Variants in EIF2B3 observed in about 807,000 individuals in gnomAD.
EIF2B3 encodes eukaryotic translation initiation factor 2B subunit gamma.
A neutral mutation model predicts 54.1 loss-of-function variants in EIF2B3; 20 were observed. The observed-to-expected ratio is 0.37, with a 90% CI of 0.26 to 0.54. The LOEUF is 0.54. Ranked by LOEUF, EIF2B3 falls within the 20% of genes least tolerant of loss-of-function variation. EIF2B3 has a pLI of 0.86. For missense variants in EIF2B3, 448 were observed against 547.8 expected (o/e 0.82, Z 1.82); for synonymous variants, 153 against 188.1 (o/e 0.81, Z 1.52).
intron 4 of EIF2B3, 75 bp from the exon 5 acceptor site, chr1:44,926,814 G>A: frequency 8.1e-7 from 1 of 1,235,216 alleles, no homozygotes; most frequent in East Asian, 2.3e-5. Context: ...AGGGAACACA[G>A]TATCTGCTCA....
chr1:44,867,588 T>C (rs1015725795), intron 10 of EIF2B3, among the ~76,000 whole-genome samples: 2 of 152,058 alleles, frequency 1.3e-5, no homozygotes, highest in African/African-American at 4.8e-5. Context: ...CAAGACATAA[T>C]AGCAGCAGGG....
intron 2 of EIF2B3, 129 bp from the exon 3 acceptor site, chr1:44,978,589 A>G (rs1166476472): frequency 1.8e-5 from 15 of 827,974 alleles, no homozygotes; most frequent in Non-Finnish European, 2.6e-5. Context: ...GTGCCTTTTC[A>G]ATATATTTTA....
At chr1:44,969,364 C>A (rs553741941) in intron 3 of EIF2B3, among the ~76,000 whole-genome samples, 19 of 152,162 alleles carry the variant, frequency 1.2e-4, no homozygotes, top group Non-Finnish European at 2.5e-4. Flanking sequence ...ACATTTCAAC[C>A]AATTGTAATG....
intron 10 of EIF2B3, among the ~76,000 whole-genome samples, chr1:44,861,096 G>A (rs1426995072): frequency 7.9e-5 from 12 of 152,224 alleles, no homozygotes; most frequent in Non-Finnish European, 1.8e-4. Flanking sequence ...CTAGAGATGG[G>A]CAGAGACAGC....
chr1:44,857,258 G>A (rs1458993604), intron 11 of EIF2B3, among the ~76,000 whole-genome samples: 9 of 152,140 alleles, frequency 5.9e-5, no homozygotes, highest in South Asian at 4.1e-4. Flanking sequence ...TGCCAGGTGC[G>A]GTGGCTTACG....
At chr1:44,907,102 A>T (rs1643425961) in intron 5 of EIF2B3, among the ~76,000 whole-genome samples, 1 of 152,162 alleles carries the variant, frequency 6.6e-6, no homozygotes, top group Admixed American at 6.5e-5. Context: ...TCCACTGTCA[A>T]TACCCTAGTT....
intron 5 of EIF2B3, among the ~76,000 whole-genome samples, chr1:44,924,424 AC>A (rs1643812707): frequency 6.6e-6 from 1 of 151,516 alleles, no homozygotes; most frequent in Non-Finnish European, 1.5e-5. Context: ...GTTTTTTGAG[AC>A]CGAGTCTCAC....
intron 7 of EIF2B3, among the ~76,000 whole-genome samples, chr1:44,880,761 T>A (rs1211830585): frequency 6.6e-6 from 1 of 151,986 alleles, no homozygotes; most frequent in African/African-American, 2.4e-5. Flanking sequence ...AGGAGATCGA[T>A]ACCATCCTGG....
intron 3 of EIF2B3, among the ~76,000 whole-genome samples, chr1:44,952,728 A>G (rs1644180562): frequency 6.6e-6 from 1 of 151,206 alleles, no homozygotes; most frequent in Admixed American, 6.6e-5. Flanking sequence ...AATTTTTTGT[A>G]TTTTTAGTAG....
At chr1:44,890,458 A>G (rs1655757625) in intron 6 of EIF2B3, among the ~76,000 whole-genome samples, 1 of 152,240 alleles carries the variant, frequency 6.6e-6, no homozygotes, top group Non-Finnish European at 1.5e-5. Flanking sequence ...TTTTGAAAAA[A>G]ATAAAAACTG....
chr1:44,959,725 G>C (rs1171656503), intron 3 of EIF2B3, among the ~76,000 whole-genome samples: 1 of 152,154 alleles, frequency 6.6e-6, no homozygotes, highest in Non-Finnish European at 1.5e-5. Context: ...ATGGTTTAGA[G>C]TCTGGTTTCT....
intron 3 of EIF2B3, among the ~76,000 whole-genome samples, chr1:44,972,205 T>C (rs1041450940): frequency 6.9e-6 from 1 of 145,406 alleles, no homozygotes; most frequent in Non-Finnish European, 1.5e-5. Context: ...CTGGGCAACA[T>C]AGTGAGACTC....
At chr1:44,923,240 A>G (rs982370059) in intron 5 of EIF2B3, among the ~76,000 whole-genome samples, 2 of 152,194 alleles carry the variant, frequency 1.3e-5, no homozygotes, top group African/African-American at 4.8e-5. Context: ...TGCTCTAGCT[A>G]GGACTTCCAG....
chr1:44,934,622 A>C (rs1322596211), intron 4 of EIF2B3, among the ~76,000 whole-genome samples: 1 of 151,944 alleles, frequency 6.6e-6, no homozygotes, highest in Non-Finnish European at 1.5e-5. Flanking sequence ...CTCCTGCCTT[A>C]GCCTCCCAAG....
intron 6 of EIF2B3, among the ~76,000 whole-genome samples, chr1:44,896,516 TC>T (rs1655976822): frequency 6.6e-6 from 1 of 152,192 alleles, no homozygotes. Context: ...CAAATTCTTT[TC>T]TCCAGATGGT....
intron 3 of EIF2B3, chr1:44,972,494 C>G (rs1419128408): frequency 6.6e-6 from 1 of 152,448 alleles, no homozygotes; most frequent in East Asian, 1.9e-4. Context: ...CCCAGCTACT[C>G]AGGAAGGTGA....
chr1:44,879,682 A>G lies in EIF2B3; in HGVS notation c.975+136T>C, dbSNP rs780583010. ...CTGAGTACCCTAGTAGTCTCCCTTGACGTGCCAGGTCTTGCTCAACCTTGG... is the reference window on the plus strand; with the variant it reads ...CTGAGTACCCTAGTAGTCTCCCTTGGCGTGCCAGGTCTTGCTCAACCTTGG... On this transcript the variant is annotated intron_variant, in intron 8 of 11. Coordinates refer to ENST00000360403, the MANE Select transcript of EIF2B3 (RefSeq NM_020365.5). The G allele has an allele frequency of 2.3e-5, 23 of 998,820 alleles. No homozygotes were observed. In the South Asian group the frequency reaches 2.5e-4, roughly 11 times the overall value. The allele number at this position is 998,820 out of a possible 1,614,324, so 61.9% of individuals were successfully genotyped here.
intron 6 of EIF2B3, among the ~76,000 whole-genome samples, chr1:44,896,375 G>C (rs554583385): frequency 7.6e-6 from 1 of 132,234 alleles, no homozygotes; most frequent in South Asian, 2.1e-4. Flanking sequence ...AAGTGTTGTG[G>C]GGGGGTGACA....
rs542073496 is a variant in EIF2B3 at position 44,870,112 on chromosome 1, C to T, written c.1202+4566G>A. Among the ~76,000 whole-genome samples the T allele has an allele frequency of 7.9e-5, 12 of 151,338 alleles. No individual in the cohort carries two copies. In the South Asian group the frequency reaches 1.3e-3, roughly 16 times the overall value. ...ACCTAAGCCCAGGGTGTTGAGGCTGCGGTGAGCCATGATAACATCACTGCA... is the reference window on the plus strand; with the variant it reads ...ACCTAAGCCCAGGGTGTTGAGGCTGTGGTGAGCCATGATAACATCACTGCA... On this transcript the variant is annotated intron_variant, in intron 10 of 11. Coordinates refer to ENST00000360403, the MANE Select transcript of EIF2B3 (RefSeq NM_020365.5).
Sources: allele counts gnomAD v4.1 joint callset (sites outside exome capture counted in the v4.1 genomes callset), GRCh38; gene constraint gnomAD v4.1.1; transcripts MANE v1.5; gene names NCBI Gene and HGNC (gene_info 2026-07-23, HGNC 2026-07-21).